Variants in CPVL observed in about 807,000 individuals in gnomAD.
CPVL encodes carboxypeptidase vitellogenic like.
Under a neutral mutation model 63.7 loss-of-function variants are expected in CPVL, and 51 were observed. The ratio of observed to expected loss-of-function variants is 0.80; its 90% CI spans 0.64 to 1.01. The LOEUF is 1.01. Among genes scored for constraint, CPVL ranks in the 50% least tolerant of loss-of-function variants. The pLI is 0.00. For synonymous variants in CPVL, 195 were observed against 206.0 expected (o/e 0.95, Z 0.46); for missense variants, 530 against 573.1 (o/e 0.92, Z 0.77).
At chr7:29,065,987 A>T in intron 10 of CPVL, 36 bp downstream of exon 10, 1 of 1,327,018 alleles carries the variant, frequency 7.5e-7, no homozygotes, top group Non-Finnish European at 1.1e-6. Flanking sequence ...CAAAAGTTTT[A>T]AGCAAACATT....
intron 12 of CPVL, among the ~76,000 whole-genome samples, chr7:29,003,883 A>G (rs1333907304): frequency 6.6e-6 from 1 of 152,142 alleles, no homozygotes; most frequent in Non-Finnish European, 1.5e-5. Context: ...ATAAGAATCT[A>G]ATGCTGCCAC....
At chr7:29,115,200 T>C (rs1251379431) in intron 2 of CPVL, among the ~76,000 whole-genome samples, 2 of 152,154 alleles carry the variant, frequency 1.3e-5, no homozygotes, top group East Asian at 3.9e-4. Flanking sequence ...GCACATAAAA[T>C]ATGGGTTCAG....
chr7:29,102,479 T>C (rs1218108588), intron 3 of CPVL, among the ~76,000 whole-genome samples: 4 of 152,192 alleles, frequency 2.6e-5, no homozygotes, highest in Non-Finnish European at 5.9e-5. Flanking sequence ...AATTCCCTCA[T>C]ACTACATATT....
intron 2 of CPVL, 94 bp from the exon 3 acceptor site, chr7:29,112,916 T>C (rs1788398357): frequency 2.3e-6 from 2 of 853,786 alleles, no homozygotes; most frequent in East Asian, 5.1e-5. Flanking sequence ...AATGGAGTGA[T>C]TAGATAAGCT....
At chr7:29,022,718 C>A (rs1008604053) in intron 12 of CPVL, among the ~76,000 whole-genome samples, 3 of 152,214 alleles carry the variant, frequency 2.0e-5, no homozygotes, top group Non-Finnish European at 4.4e-5. Context: ...TATGCACACA[C>A]CATTGAGGGG....
intron 1 of CPVL, among the ~76,000 whole-genome samples, chr7:29,138,424 A>G (rs1038389339): frequency 6.6e-6 from 1 of 152,232 alleles, no homozygotes; most frequent in Non-Finnish European, 1.5e-5. Context: ...TGGGCAAAAG[A>G]GCGAGACTAC....
At position 29,104,524 on chromosome 7, in the gene CPVL, G is replaced by A. The variant is rs1014665020; in HGVS notation, c.288+8180C>T. On this transcript the variant is annotated intron_variant, in intron 3 of 12. Coordinates refer to ENST00000265394, the MANE Select transcript of CPVL (RefSeq NM_031311.5). ...GATCCACCTGCTTTGGCCTCCCAAC[G>A]TACTGGGATTATAGGCATGAGCCAC... 7.2e-5 allele frequency among the ~76,000 whole-genome samples: 11 copies of A among 152,186 alleles called. No individual in the cohort carries two copies. The East Asian group carries it at 9.6e-4, about 13-fold the overall frequency.
chr7:29,121,099 G>A (rs748531806), intron 1 of CPVL, 28 bp from the exon 2 acceptor site: 2 of 1,539,920 alleles, frequency 1.3e-6, no homozygotes, highest in South Asian at 1.2e-5. Context: ...TTCCAAAAAT[G>A]AATCATAAGA....
rs117212665 is a variant in CPVL, at chr7:29,044,522, G to A, written c.1138-13763C>T. 8.5e-3 allele frequency among the ~76,000 whole-genome samples: 1,298 copies of A among 152,270 alleles called. 5 individuals are homozygous for A. The highest frequency in any genetic ancestry group is 0.011 in the Admixed American group (169 of 15,294). ...ATCCTCTCACACTTTATTAGATGGT[G>A]GTGGGCACACACTGCTTTGGATTCC... On this transcript the variant is annotated intron_variant, in intron 11 of 12. Coordinates refer to ENST00000265394, the MANE Select transcript of CPVL (RefSeq NM_031311.5).
At chr7:29,085,951 T>C (rs1426646341) in intron 7 of CPVL, among the ~76,000 whole-genome samples, 3 of 152,160 alleles carry the variant, frequency 2.0e-5, no homozygotes, top group Non-Finnish European at 4.4e-5. Flanking sequence ...GCCTACCTAG[T>C]GCACCCATGG....
At chr7:29,170,925 A>G (rs1796516454) in intron 5 of CPVL, among the ~76,000 whole-genome samples, 1 of 152,144 alleles carries the variant, frequency 6.6e-6, no homozygotes, top group South Asian at 2.1e-4. Flanking sequence ...TCACTATCAC[A>G]AGAAAAACAT....
intron 12 of CPVL, among the ~76,000 whole-genome samples, chr7:29,027,609 CT>C (rs1787624304): frequency 6.6e-6 from 1 of 152,130 alleles, no homozygotes; most frequent in African/African-American, 2.4e-5. Flanking sequence ...AATTTTAGAA[CT>C]GATAAATGAA....
intron 6 of CPVL, among the ~76,000 whole-genome samples, chr7:29,087,509 A>C (rs1178771656): frequency 1.3e-5 from 2 of 152,214 alleles, no homozygotes; most frequent in Non-Finnish European, 2.9e-5. Context: ...ATTTCATAAT[A>C]AGCAAGAAGA....
At chr7:29,125,341 A>G (rs1789882463) in intron 1 of CPVL, among the ~76,000 whole-genome samples, 1 of 151,252 alleles carries the variant, frequency 6.6e-6, no homozygotes, top group Admixed American at 6.6e-5. Context: ...ACTCAAAGCC[A>G]GAATTTACTT....
At chr7:29,004,542 A>G (rs924913326) in intron 12 of CPVL, among the ~76,000 whole-genome samples, 1 of 152,260 alleles carries the variant, frequency 6.6e-6, no homozygotes, top group Non-Finnish European at 1.5e-5. Flanking sequence ...ATGAAAATCT[A>G]AAAGCAGAGT....
intron 6 of CPVL, among the ~76,000 whole-genome samples, chr7:29,090,332 G>C (rs1168739086): frequency 6.6e-6 from 1 of 152,148 alleles, no homozygotes; most frequent in East Asian, 1.9e-4. Flanking sequence ...TCTACATCTA[G>C]CAAGGCTGAG....
At chr7:29,084,156 T>C (rs951961448) in intron 7 of CPVL, among the ~76,000 whole-genome samples, 1 of 152,220 alleles carries the variant, frequency 6.6e-6, no homozygotes, top group Admixed American at 6.5e-5. Flanking sequence ...CACTGGACCC[T>C]CAATGGTTTC....
chr7:29,066,128 TGGGAGAGA>T lies in CPVL; in HGVS notation c.865-15_865-8del. 1.4e-6 allele frequency: 2 copies of T among 1,411,366 alleles called. No individual in the cohort carries two copies. Among genetic ancestry groups the T allele is most frequent in the East Asian group, 4.6e-5 (2 of 43,662 alleles). 87.4% of individuals were successfully genotyped at this position (1,411,366 alleles called of 1,614,324 possible). On this transcript the variant is annotated splice_region_variant and splice_polypyrimidine_tract_variant and intron_variant, in intron 9 of 12. Coordinates refer to ENST00000265394, the MANE Select transcript of CPVL (RefSeq NM_031311.5). ...CTAGTAGTTTATCCAGTATCTAGGT[TGGGAGAGA>T]GGGAGAAAGAAAGAAAGAAAGAAAA...
intron 1 of CPVL, chr7:29,127,549 T>C (rs572606375): frequency 6.6e-6 from 1 of 152,264 alleles, no homozygotes; most frequent in Non-Finnish European, 1.5e-5. Context: ...GCTCACAACA[T>C]GATAACCCAA....
Sources: gnomAD v4.1 joint callset for allele counts (sites outside exome capture counted in the v4.1 genomes callset) on GRCh38, gnomAD v4.1.1 for gene constraint, MANE v1.5 for transcripts, NCBI Gene and HGNC (gene_info 2026-07-23, HGNC 2026-07-21) for gene names.